Variants in TTC6 observed in about 807,000 individuals in gnomAD.
TTC6 encodes the protein tetratricopeptide repeat domain 6.
In TTC6, 172 loss-of-function variants were observed where a neutral mutation model predicts 210.4. That is an observed-to-expected ratio of 0.82 (90% CI 0.72 to 0.93). TTC6 has a LOEUF of 0.93. Among genes scored for constraint, TTC6 ranks in the 40% least tolerant of loss-of-function variants. The pLI is 0.00. For synonymous variants in TTC6, 804 were observed against 819.6 expected (o/e 0.98, Z 0.32); for missense variants, 2,414 against 2,318.1 (o/e 1.04, Z -0.85).
At chr14:37,617,566 G>GA (rs958830503), upstream of TTC6, among the ~76,000 whole-genome samples, 4 of 151,798 alleles carry the variant, frequency 2.6e-5, no homozygotes, top group East Asian at 1.9e-4. Flanking sequence ...CAGAAAAATA[G>GA]AAAAAAAATC....
At chr14:37,791,176 A>C (rs1219877100) in intron 16 of TTC6, among the ~76,000 whole-genome samples, 1 of 152,156 alleles carries the variant, frequency 6.6e-6, no homozygotes, top group Non-Finnish European at 1.5e-5. Flanking sequence ...AACTGTCATT[A>C]AGTTTTAAAA....
intron 1 of TTC6, among the ~76,000 whole-genome samples, chr14:37,603,154 G>A (rs948392883): frequency 1.3e-5 from 2 of 152,162 alleles, no homozygotes; most frequent in Non-Finnish European, 2.9e-5. Context: ...ATGCGGACCT[G>A]GCGTTAGGAT....
chr14:37,817,311 A>G (rs903545994), intron 25 of TTC6, among the ~76,000 whole-genome samples: 4 of 152,202 alleles, frequency 2.6e-5, no homozygotes, highest in Admixed American at 2.0e-4. Context: ...AAAAATCCCC[A>G]TTCTTGAGTA....
At chr14:37,725,174 A>G (rs1004151794) in intron 7 of TTC6, among the ~76,000 whole-genome samples, 172 bp downstream of exon 9, 4 of 150,168 alleles carry the variant, frequency 2.7e-5, no homozygotes, top group Non-Finnish European at 4.4e-5. Flanking sequence ...TATGTAAATA[A>G]TTGTATGTAT....
chr14:37,744,703 T>A lies in TTC6; in HGVS notation c.2364-4236T>A, dbSNP rs144467261. On this transcript the variant is annotated intron_variant, in intron 10 of 30. Coordinates refer to ENST00000553443, the Ensembl canonical transcript of TTC6. ...TGTGGACTTGAGAATGGGGTAGTGA[T>A]GTTTATAGGTTATGGTAAAGACTTT... Among the ~76,000 whole-genome samples, 201 of 152,206 alleles carry A rather than the reference T, an allele frequency of 1.3e-3. 1 individual carries two copies. The highest frequency in any genetic ancestry group is 2.3e-3 in the Non-Finnish European group (158 of 68,016).
chr14:37,773,788 G>T (rs1476525749), intron 14 of TTC6, among the ~76,000 whole-genome samples: 2 of 152,102 alleles, frequency 1.3e-5, no homozygotes, highest in African/African-American at 4.8e-5. Flanking sequence ...TTCTGATTCT[G>T]TGAAGAATCT....
intron 1 of TTC6, among the ~76,000 whole-genome samples, chr14:37,631,754 A>C (rs992963377): frequency 3.9e-5 from 6 of 152,208 alleles, no homozygotes; most frequent in Non-Finnish European, 7.3e-5. Context: ...TACACCAATC[A>C]AACATAGGTT....
chr14:37,610,551 T>C (rs1029142954), intron 2 of TTC6, among the ~76,000 whole-genome samples: 6 of 152,184 alleles, frequency 3.9e-5, no homozygotes, highest in Non-Finnish European at 5.9e-5. Flanking sequence ...TTTTAAAAAA[T>C]GGTGAGATAT....
chr14:37,836,758 C>A (rs1193092959), intron 29 of TTC6, among the ~76,000 whole-genome samples: 5 of 152,170 alleles, frequency 3.3e-5, no homozygotes, highest in African/African-American at 1.2e-4. Flanking sequence ...CCCTGTCACC[C>A]TCTACCCTCA....
chr14:37,740,758 CTAAGTTGA>C, intron 10 of TTC6, among the ~76,000 whole-genome samples: 1 of 152,236 alleles, frequency 6.6e-6, no homozygotes, highest in African/African-American at 2.4e-5. Flanking sequence ...AGTAGGTTTT[CTAAGTTGA>C]TAAATGTTTT....
intron 10 of TTC6, among the ~76,000 whole-genome samples, chr14:37,742,159 T>C (rs11849517): frequency 0.66 from 100,650 of 151,956 alleles, 33,902 homozygotes; most frequent in East Asian, 0.89. Flanking sequence ...TACCAGCCTG[T>C]TTGCCAATGG....
intron 1 of TTC6, among the ~76,000 whole-genome samples, chr14:37,660,291 C>T (rs115553548): frequency 0.012 from 1,765 of 151,810 alleles, 42 homozygotes; most frequent in African/African-American, 0.041. Context: ...TGTAGGTAAA[C>T]GTGTGCCACA....
intron 25 of TTC6, among the ~76,000 whole-genome samples, chr14:37,816,052 CAA>C (rs71127247): frequency 0.3 from 42,789 of 142,078 alleles, 6,363 homozygotes; most frequent in African/African-American, 0.38. Context: ...TTAATTTTAG[CAA>C]AAAAAAAAAA....
intron 14 of TTC6, among the ~76,000 whole-genome samples, chr14:37,779,841 C>T (rs917398603): frequency 6.6e-6 from 1 of 152,104 alleles, no homozygotes; most frequent in African/African-American, 2.4e-5. Context: ...CTCAGGGGGC[C>T]TCATATGCCA....
intron 1 of TTC6, among the ~76,000 whole-genome samples, chr14:37,672,855 A>C (rs1203389667): frequency 7.8e-6 from 1 of 128,776 alleles, no homozygotes; most frequent in Non-Finnish European, 1.6e-5. Context: ...AAAGCACTGT[A>C]GTTTTCTTCT....
chr14:37,606,809 C>T (rs1180171407), intron 2 of TTC6, 67 bp downstream of exon 2: 9 of 981,662 alleles, frequency 9.2e-6, no homozygotes, highest in Non-Finnish European at 9.7e-6. Context: ...TCTACTCCTT[C>T]CCTGTCACCA....
chr14:37,721,847 C>CATATATATCTATATAT (rs2095862275), intron 6 of TTC6, among the ~76,000 whole-genome samples: 1 of 117,266 alleles, frequency 8.5e-6, no homozygotes, highest in Non-Finnish European at 1.8e-5. Flanking sequence ...TGAGTTTCAC[C>CATATATATCTATATAT]ATATATATAT....
At chr14:37,623,399 C>T (rs2095655058) in intron 1 of TTC6, among the ~76,000 whole-genome samples, 1 of 152,214 alleles carries the variant, frequency 6.6e-6, no homozygotes, top group Non-Finnish European at 1.5e-5. Flanking sequence ...TAGTAAATTA[C>T]AGCAAAAGTG....
At chr14:37,648,385 A>G (rs558386381) in intron 1 of TTC6, among the ~76,000 whole-genome samples, 2 of 152,200 alleles carry the variant, frequency 1.3e-5, no homozygotes, top group Non-Finnish European at 2.9e-5. Flanking sequence ...ACTGTGATCT[A>G]CTAGTTAATC....
Sources: allele counts gnomAD v4.1 joint callset (sites outside exome capture counted in the v4.1 genomes callset), GRCh38; gene constraint gnomAD v4.1.1; transcripts MANE v1.5; gene names NCBI Gene and HGNC (gene_info 2026-07-23, HGNC 2026-07-21).